SPSB1: variants seen among roughly 807,000 people sequenced by gnomAD.
SPSB1 encodes SPRY domain-containing SOCS box protein 1.
SPSB1 carries 8 observed loss-of-function variants against 21.2 expected under a neutral mutation model. The ratio of observed to expected loss-of-function variants is 0.38; its 90% CI spans 0.22 to 0.68. The LOEUF (loss-of-function observed/expected upper bound fraction) is 0.68. SPSB1 is among the 30% of genes least tolerant of loss of function. The probability of loss-of-function intolerance (pLI) is 0.53; values close to 1 mark genes in which losing one functional copy is unlikely to be tolerated. For synonymous variants in SPSB1, 169 were observed against 161.7 expected, an observed-to-expected ratio of 1.05 and a Z score of -0.34; for missense variants, 242 against 377.8, an observed-to-expected ratio of 0.64 and a Z score of 2.98.
rs1339190663 is a variant in SPSB1, at chr1:9,324,172, C to G, written c.-150+31101C>G. Reference sequence around the variant, plus strand: ...GAACCATATTTCTGGTAGATAATCACTGGTTTTTCTCATCCGGCAAGTGGA... The same window carrying G: ...GAACCATATTTCTGGTAGATAATCAGTGGTTTTTCTCATCCGGCAAGTGGA... On this transcript the variant is annotated intron_variant, in intron 1 of 2. Transcript: ENST00000328089. The surrounding 1 kb of genome is among the most constrained non-coding windows in gnomAD (Gnocchi z 4.3). Among the ~76,000 whole-genome samples the G allele has an allele frequency of 6.6e-6, 1 of 152,210 alleles. No homozygotes were observed. Among genetic ancestry groups the G allele is most frequent in the Non-Finnish European group, 1.5e-5 (1 of 68,044 alleles).
chr1:9,338,796 G>A (rs991386392), intron 1 of SPSB1, among the ~76,000 whole-genome samples: 3 of 152,186 alleles, frequency 2.0e-5, no homozygotes, highest in Non-Finnish European at 2.9e-5. Flanking sequence ...TTCTGCCTTC[G>A]CCCCAGCTTC....
At chr1:9,359,342 T>C (rs1408472993) in intron 2 of SPSB1, among the ~76,000 whole-genome samples, 2 of 152,328 alleles carry the variant, frequency 1.3e-5, no homozygotes, top group Admixed American at 6.5e-5. Flanking sequence ...GTGTTAGCGC[T>C]GCCAGCCTCA....
Position 9,367,789 on chromosome 1 carries a change from C to T in SPSB1, c.*214C>T. On this transcript the variant is annotated 3_prime_UTR_variant, in exon 3 of 3. Coordinates refer to ENST00000328089, the MANE Select transcript of SPSB1 (RefSeq NM_025106.4). This position sits in a 1 kb window ranked among gnomAD's most constrained non-coding sequence, Gnocchi z 5.9. Reference sequence around the variant, plus strand: ...CCCCCTTCCCGACATCAGCAGAAGGCAGCATCCCTGCATGCCGTCCGTATA... The same window carrying T: ...CCCCCTTCCCGACATCAGCAGAAGGTAGCATCCCTGCATGCCGTCCGTATA... 1 of 675,232 alleles carries T rather than the reference C, an allele frequency of 1.5e-6. No individual in the cohort carries two copies. The highest frequency in any genetic ancestry group is 2.4e-6 in the Non-Finnish European group (1 of 409,622). 41.8% of individuals were successfully genotyped at this position (675,232 alleles called of 1,614,324 possible). A position where few individuals can be genotyped will look rare whatever the true frequency, so the allele number is the denominator to read the frequency against.
rs532840771 is a variant in SPSB1, at chr1:9,368,355, G to A, written c.*780G>A. 6.6e-6 allele frequency: 1 copy of A among 152,384 alleles called. No individual in the cohort carries two copies. The highest frequency in any genetic ancestry group is 1.9e-4 in the East Asian group (1 of 5,168). 9.4% of individuals were successfully genotyped at this position (152,384 alleles called of 1,614,324 possible). On this transcript the variant is annotated 3_prime_UTR_variant, in exon 3 of 3. Transcript: ENST00000328089. ...CATGTGCACACGTGCCCAGGCACAA[G>A]TATGTCTCTGGGTCCCTTGCCCTGC...
intron 1 of SPSB1, among the ~76,000 whole-genome samples, chr1:9,340,775 A>C (rs577226802): frequency 2.8e-4 from 42 of 152,338 alleles, no homozygotes; most frequent in Admixed American, 2.4e-3. Flanking sequence ...TATTTTATGG[A>C]AAGTCCAGCT....
At chr1:9,331,585 C>T (rs1291870565) in intron 1 of SPSB1, among the ~76,000 whole-genome samples, 7 of 152,136 alleles carry the variant, frequency 4.6e-5, no homozygotes, top group Non-Finnish European at 1.0e-4. Context: ...ACTGCCTTAG[C>T]CTCCCAAACT....
At chr1:9,307,872 G>A (rs75746801) in intron 1 of SPSB1, among the ~76,000 whole-genome samples, 17 of 152,216 alleles carry the variant, frequency 1.1e-4, no homozygotes, top group East Asian at 7.7e-4. Flanking sequence ...CGGGGTGCGC[G>A]TGGCCCCTCC....
intron 1 of SPSB1, among the ~76,000 whole-genome samples, chr1:9,299,575 G>T (rs1004032063): frequency 6.6e-5 from 10 of 152,020 alleles, no homozygotes. Context: ...CGCCTCCCGG[G>T]TTCAAGCAAT....
Position 9,317,446 on chromosome 1 carries a change from G to A in SPSB1, c.-150+24375G>A, listed in dbSNP as rs1306998321. Among the ~76,000 whole-genome samples the A allele has an allele frequency of 1.3e-5, 2 of 152,098 alleles. No individual in the cohort carries two copies. The highest frequency in any genetic ancestry group is 4.8e-5 in the African/African-American group (2 of 41,412). On this transcript the variant is annotated intron_variant, in intron 1 of 2. Transcript: ENST00000328089. The surrounding 1 kb of genome is among the most constrained non-coding windows in gnomAD (Gnocchi z 4.3). ...GGGAGAAGGGGTGTGGGGGCGTGTG[G>A]TAGAGATTTTCAGACCACCAGGTGA...
chr1:9,301,752 C>T (rs1398743320), intron 1 of SPSB1, among the ~76,000 whole-genome samples: 1 of 152,224 alleles, frequency 6.6e-6, no homozygotes, highest in Non-Finnish European at 1.5e-5. Context: ...CAAAGCCGAC[C>T]TGGCTATGGC....
Position 9,306,597 on chromosome 1 carries a change from G to A in SPSB1, c.-150+13526G>A, listed in dbSNP as rs77302022. On this transcript the variant is annotated intron_variant, in intron 1 of 2. Transcript: ENST00000328089. ...GATGAGAAAAACTAGGGCAACTCTG[G>A]GCCTCCCTGCCACCCAGGGGAAGAG... Among the ~76,000 whole-genome samples, 142 of 152,272 alleles carry A rather than the reference G, an allele frequency of 9.3e-4. 5 individuals are homozygous for A. The East Asian group carries it at 0.026, about 28-fold the overall frequency.
chr1:9,293,176 G>T lies in SPSB1; in HGVS notation c.-150+105G>T. On this transcript the variant is annotated intron_variant, in intron 1 of 2. Coordinates refer to ENST00000328089, the MANE Select transcript of SPSB1 (RefSeq NM_025106.4). This position sits in a 1 kb window ranked among gnomAD's most constrained non-coding sequence, Gnocchi z 5.1. ...GCGGACGCGGGGATCGCGCCGCTGG[G>T]GGACCGAGTGGGTGGCGCGGGGCCG... 2.1e-6 allele frequency: 2 copies of T among 966,578 alleles called. No homozygotes were observed. The highest frequency in any genetic ancestry group is 9.3e-5 in the South Asian group (2 of 21,556). The allele number at this position is 966,578 out of a possible 1,614,324, so 59.9% of individuals were successfully genotyped here.
intron 1 of SPSB1, among the ~76,000 whole-genome samples, chr1:9,302,143 G>C (rs761416841): frequency 6.6e-6 from 1 of 152,220 alleles, no homozygotes; most frequent in Non-Finnish European, 1.5e-5. Context: ...CTACGGTCTT[G>C]TTATTGCCTT....
At chr1:9,306,192 G>A (rs1639407521) in intron 1 of SPSB1, among the ~76,000 whole-genome samples, 1 of 152,234 alleles carries the variant, frequency 6.6e-6, no homozygotes, top group Non-Finnish European at 1.5e-5. Flanking sequence ...GCGATTGCCT[G>A]TTGCCATCAA....
chr1:9,316,791 C>T (rs533309088), intron 1 of SPSB1, among the ~76,000 whole-genome samples: 2 of 152,318 alleles, frequency 1.3e-5, no homozygotes, highest in South Asian at 2.1e-4. Context: ...GCAGCAGCTT[C>T]GAGCCCAGCT....
chr1:9,339,105 C>T (rs1640049834), intron 1 of SPSB1: 8 of 577,750 alleles, frequency 1.4e-5, no homozygotes, highest in Non-Finnish European at 1.7e-5. Context: ...CTGATCCAGC[C>T]CAGGCAAGGC....
chr1:9,352,336 G>T (rs1293527560), intron 1 of SPSB1, among the ~76,000 whole-genome samples: 1 of 152,276 alleles, frequency 6.6e-6, no homozygotes, highest in African/African-American at 2.4e-5. Flanking sequence ...CCACCATCCG[G>T]ATAATGCCTG....
chr1:9,315,556 G>A (rs1271422814), intron 1 of SPSB1, among the ~76,000 whole-genome samples: 2 of 152,254 alleles, frequency 1.3e-5, no homozygotes, highest in Admixed American at 1.3e-4. Context: ...CTGAGCTGCA[G>A]CTTCTAACCA....
chr1:9,295,531 T>C (rs1639210253), intron 1 of SPSB1, among the ~76,000 whole-genome samples: 1 of 152,176 alleles, frequency 6.6e-6, no homozygotes, highest in Non-Finnish European at 1.5e-5. Context: ...CTTGGGCTGC[T>C]GTAGTAAGGC....
Sources: gnomAD v4.1 joint callset for allele counts (sites outside exome capture counted in the v4.1 genomes callset) on GRCh38, gnomAD v4.1.1 for gene constraint, Gnocchi (gnomAD v3.1) non-coding constraint, MANE v1.5 for transcripts, NCBI Gene and HGNC (gene_info 2026-07-23, HGNC 2026-07-21) for gene names.